Variants in DENND2C observed in about 807,000 individuals in gnomAD.
The protein encoded by DENND2C is DENN domain containing 2C.
A neutral mutation model predicts 112.4 loss-of-function variants in DENND2C; 72 were observed. The ratio of observed to expected loss-of-function variants is 0.64; its 90% confidence interval spans 0.53 to 0.78. The LOEUF (loss-of-function observed/expected upper bound fraction) is 0.78. Among genes scored for constraint, DENND2C ranks in the 30% least tolerant of loss-of-function variants. The probability of loss-of-function intolerance (pLI) is 0.00; values close to 1 mark genes in which losing one functional copy is unlikely to be tolerated. For missense variants in DENND2C, 992 were observed against 1,113.8 expected, an observed-to-expected ratio of 0.89 and a Z score of 1.56; for synonymous variants, 329 against 381.6, an observed-to-expected ratio of 0.86 and a Z score of 1.61.
At position 114,599,303 on chromosome 1, in the gene DENND2C, G is replaced by A. The variant is rs532994522; in HGVS notation, c.2254C>T (p.Pro752Ser). 6.2e-7 allele frequency: 1 copy of A among 1,613,370 alleles called. No individual in the cohort carries two copies. Among genetic ancestry groups the A allele is most frequent in the South Asian group, 1.1e-5 (1 of 90,988 alleles). The stretch of plus-strand genomic sequence containing the variant: ...TCAATGGGTAGGTCCTGGAGCTGTG[G>A]TAAGGAGCAAGACAGGATTCCAATA... ...FLIGILSCSL[P>S]QLQDLPIEEV... Residue 752 changes from proline to serine, a missense_variant, in exon 16 of 21, where the codon CCA (proline) becomes TCA (serine). Physicochemically the swap from Pro to Ser is moderately conservative, Grantham distance 74. This residue lies in a region of DENND2C where 516 missense variants were observed against 623.6 expected (regional missense o/e 0.83). Coordinates refer to ENST00000393274, the MANE Select transcript of DENND2C (RefSeq NM_001256404.2).
In DENND2C at chr1:114,605,034, G is replaced by GA. The variant is rs762441477; in HGVS notation, c.1558-4dup. ...GACTGCTTATAGCCATGATCATCCT[G>GA]AAAAAGATAACACCATAGGTGACTT... On this transcript the variant is annotated splice_polypyrimidine_tract_variant and splice_region_variant and intron_variant, in intron 10 of 20. Transcript: ENST00000393274. 95 of 1,601,444 alleles carry GA rather than the reference G, an allele frequency of 5.9e-5. No homozygotes were observed. In the African/African-American group the frequency reaches 1.2e-3, roughly 20 times the overall value.
chr1:114,629,118 G>A (rs1297758167), intron 3 of DENND2C, among the ~76,000 whole-genome samples: 1 of 152,128 alleles, frequency 6.6e-6, no homozygotes, highest in South Asian at 2.1e-4. Flanking sequence ...ATGAGTCAGA[G>A]ACTTTTCCAG....
intron 3 of DENND2C, among the ~76,000 whole-genome samples, chr1:114,631,092 ATGTC>A (rs1197767652): frequency 6.6e-6 from 1 of 152,232 alleles, no homozygotes; most frequent in Non-Finnish European, 1.5e-5. Context: ...AACATTTAAA[ATGTC>A]TGGGCACTGT....
chr1:114,614,789 G>A (rs1655917824), intron 8 of DENND2C, among the ~76,000 whole-genome samples: 1 of 152,124 alleles, frequency 6.6e-6, no homozygotes, highest in South Asian at 2.1e-4. Context: ...GAGGCGGGTG[G>A]ATCACGAGGT....
intron 18 of DENND2C, among the ~76,000 whole-genome samples, chr1:114,592,835 T>G (rs1278086811): frequency 2.0e-5 from 3 of 152,230 alleles, no homozygotes; most frequent in African/African-American, 7.2e-5. Context: ...CCACTGAATC[T>G]GCTGTTATCA....
Position 114,626,029 on chromosome 1 carries a change from C to A in DENND2C, c.-45G>T. The A allele has an allele frequency of 6.6e-7, 1 of 1,504,302 alleles. No homozygotes were observed. The highest frequency in any genetic ancestry group is 2.3e-5 in the East Asian group (1 of 44,114). 93.2% of individuals were successfully genotyped at this position (1,504,302 alleles called of 1,614,324 possible). A position where few individuals can be genotyped will look rare whatever the true frequency, so the allele number is the denominator to read the frequency against. On this transcript the variant is annotated 5_prime_UTR_variant, in exon 4 of 21. An upstream open reading frame in the 5' UTR gains an earlier in-frame stop. Transcript: ENST00000393274. Reference sequence around the variant, plus strand: ...ACAAGTGATGAATCTTACAAAGGTTCCATTACAAGTAAATGTGAAATATTG... The same window carrying A: ...ACAAGTGATGAATCTTACAAAGGTTACATTACAAGTAAATGTGAAATATTG...
intron 18 of DENND2C, among the ~76,000 whole-genome samples, chr1:114,591,672 G>A (rs566539590): frequency 1.3e-5 from 2 of 151,796 alleles, no homozygotes; most frequent in East Asian, 1.9e-4. Flanking sequence ...TCTTTGTGCC[G>A]TATTTTTAAG....
At chr1:114,636,346 T>C (rs1238082576) in intron 3 of DENND2C, among the ~76,000 whole-genome samples, 4 of 152,190 alleles carry the variant, frequency 2.6e-5, no homozygotes, top group Non-Finnish European at 5.9e-5. Context: ...TGTCTCCTCT[T>C]ACCACTTTTA....
intron 8 of DENND2C, among the ~76,000 whole-genome samples, chr1:114,615,789 C>A (rs912616266): frequency 1.3e-5 from 2 of 152,150 alleles, no homozygotes; most frequent in Middle Eastern, 3.4e-3. Flanking sequence ...AAAATTCTGG[C>A]TGGGGGCCGG....
intron 1 of DENND2C, among the ~76,000 whole-genome samples, chr1:114,669,367 G>C (rs1057248204): frequency 6.6e-6 from 1 of 152,126 alleles, no homozygotes; most frequent in African/African-American, 2.4e-5. Context: ...TGGTTCCGCG[G>C]GTTCTGGCCC....
In DENND2C at chr1:114,585,286, T is replaced by C; in HGVS notation, c.*314A>G. 1 of 335,138 alleles carries C rather than the reference T, an allele frequency of 3.0e-6. No individual in the cohort carries two copies. Among genetic ancestry groups the C allele is most frequent in the South Asian group, 6.7e-5 (1 of 15,004 alleles). The allele number at this position is 335,138 out of a possible 1,614,324, so 20.8% of individuals were successfully genotyped here. ...TTTAAATGTAACAACAACAAGGCTT[T>C]TCCTTGTGAAACACAACTACTTTCA... On this transcript the variant is annotated 3_prime_UTR_variant, in exon 21 of 21. Coordinates refer to ENST00000393274, the MANE Select transcript of DENND2C (RefSeq NM_001256404.2).
At chr1:114,616,293 G>C (rs982760942) in intron 8 of DENND2C, among the ~76,000 whole-genome samples, 13 of 151,540 alleles carry the variant, frequency 8.6e-5, no homozygotes, top group Non-Finnish European at 1.9e-4. Context: ...TCAGGAGAAA[G>C]AGGCAGGAGA....
chr1:114,587,905 CA>C lies in DENND2C; in HGVS notation c.2478del (p.Phe826LeufsTer5), dbSNP rs777741996. ...AAAGAATAATGTCCTACCAACTCCACAAAAAACCTGACAAATGCTTCGGACA... is the reference window on the plus strand; with the variant it reads ...AAAGAATAATGTCCTACCAACTCCACAAAAACCTGACAAATGCTTCGGACA... ...SLVSEAFVRF[F>X]VELVGHYSLN... On this transcript the variant is annotated frameshift_variant, in exon 19 of 21. Coordinates refer to ENST00000393274, the MANE Select transcript of DENND2C (RefSeq NM_001256404.2). LOFTEE classifies it high-confidence loss of function. The C allele has an allele frequency of 5.0e-6, 8 of 1,614,040 alleles. No individual in the cohort carries two copies. The highest frequency in any genetic ancestry group is 3.3e-5 in the Admixed American group (2 of 59,996).
At chr1:114,642,483 G>A (rs557695383) in intron 3 of DENND2C, among the ~76,000 whole-genome samples, 9 of 152,124 alleles carry the variant, frequency 5.9e-5, no homozygotes, top group Admixed American at 2.0e-4. Context: ...TTTGGTTCTT[G>A]GTTGTAAATC....
intron 2 of DENND2C, among the ~76,000 whole-genome samples, chr1:114,650,460 C>T (rs1008257180): frequency 5.3e-5 from 8 of 150,932 alleles, no homozygotes; most frequent in African/African-American, 1.9e-4. Context: ...GTCAGGAGAT[C>T]GAGACCATCC....
intron 11 of DENND2C, 69 bp downstream of exon 11, chr1:114,604,853 A>G: frequency 8.8e-7 from 1 of 1,140,810 alleles, no homozygotes; most frequent in Non-Finnish European, 1.3e-6. Flanking sequence ...GGCTGTACCC[A>G]TTTCTCAAAT....
At chr1:114,656,596 C>T (rs568904774) in intron 1 of DENND2C, among the ~76,000 whole-genome samples, 212 of 151,732 alleles carry the variant, frequency 1.4e-3, no homozygotes, top group Non-Finnish European at 2.4e-3. Context: ...CGTAGTTTCA[C>T]CGTGTTGGCC....
intron 1 of DENND2C, among the ~76,000 whole-genome samples, chr1:114,667,293 A>G (rs1217172575): frequency 1.3e-5 from 2 of 152,084 alleles, no homozygotes; most frequent in Non-Finnish European, 2.9e-5. Context: ...CTAAATCTAT[A>G]CTTCTTTACA....
intron 16 of DENND2C, among the ~76,000 whole-genome samples, chr1:114,596,885 A>G (rs907859238): frequency 6.6e-6 from 1 of 152,282 alleles, no homozygotes. Context: ...ACTTCACATT[A>G]TACACACAAA....
Sources: gnomAD v4.1 joint callset for allele counts (sites outside exome capture counted in the v4.1 genomes callset) on GRCh38, gnomAD v4.1.1 for gene constraint, gnomAD v4.1.1 regional missense constraint, MANE v1.5 for transcripts, NCBI Gene and HGNC (gene_info 2026-07-23, HGNC 2026-07-21) for gene names.